The following KIF13A variants were observed in gnomAD, a reference collection of about 807,000 sequenced individuals.
The protein encoded by KIF13A is kinesin-like protein KIF13A.
In KIF13A, 79 loss-of-function variants were observed where a neutral mutation model predicts 212.2. The observed-to-expected ratio is 0.37, with a 90% CI of 0.31 to 0.45. The LOEUF (loss-of-function observed/expected upper bound fraction) is 0.45, where lower values mean the gene tolerates loss of function less well. KIF13A is among the 20% of genes least tolerant of loss of function. The probability of loss-of-function intolerance (pLI) is 1.00; values close to 1 mark genes in which losing one functional copy is unlikely to be tolerated. For missense variants in KIF13A, 1,901 were observed against 2,209.0 expected, an observed-to-expected ratio of 0.86 and a Z score of 2.79; for synonymous variants, 789 against 808.6, an observed-to-expected ratio of 0.98 and a Z score of 0.41.
chr6:17,976,957 C>G (rs1432900930), intron 2 of KIF13A, among the ~76,000 whole-genome samples: 1 of 151,734 alleles, frequency 6.6e-6, no homozygotes, highest in African/African-American at 2.4e-5. Context: ...AAAAAATTAG[C>G]TGGGTGTGGT....
chr6:17,893,043 C>T (rs1017827789), intron 3 of KIF13A, among the ~76,000 whole-genome samples: 4 of 152,142 alleles, frequency 2.6e-5, no homozygotes, highest in African/African-American at 9.7e-5. Flanking sequence ...GGGACTGAGC[C>T]CCTAACCTGT....
At chr6:17,800,572 G>T (rs532607542) in intron 20 of KIF13A, among the ~76,000 whole-genome samples, 22 of 150,288 alleles carry the variant, frequency 1.5e-4, no homozygotes, top group African/African-American at 5.4e-4. Context: ...GAGTAGTTGG[G>T]ATTACAGGTG....
rs530771277 is a variant in KIF13A, at chr6:17,915,620, A to T, written c.147-17440T>A. The stretch of plus-strand genomic sequence containing the variant: ...CTGATTCTGTAGGACATCACTGCAG[A>T]ACCATGTAGTTTCAATGTCACATCG... On this transcript the variant is annotated intron_variant, in intron 2 of 38. Coordinates refer to ENST00000259711, the MANE Select transcript of KIF13A (RefSeq NM_022113.6). The surrounding 1 kb of genome is among the most constrained non-coding windows in gnomAD (Gnocchi z 4.4). Among the ~76,000 whole-genome samples the T allele has an allele frequency of 1.2e-4, 18 of 152,262 alleles. No homozygotes were observed. The East Asian group carries it at 3.5e-3, about 29-fold the overall frequency.
chr6:17,834,255 C>T lies in KIF13A; in HGVS notation c.1156-184G>A, dbSNP rs1239309944. On this transcript the variant is annotated intron_variant, in intron 11 of 38. Coordinates refer to ENST00000259711, the MANE Select transcript of KIF13A (RefSeq NM_022113.6). This position sits in a 1 kb window ranked among gnomAD's most constrained non-coding sequence, Gnocchi z 4.0. ...GAATGTAAGAGAACATGGCTGTTCC[C>T]TGAAAAAGAAATACCAGTGTCCTGA... is the stretch of plus-strand genomic sequence containing the variant. Among the ~76,000 whole-genome samples, 2 of 152,124 alleles carry T rather than the reference C, an allele frequency of 1.3e-5. No individual in the cohort carries two copies. The highest frequency in any genetic ancestry group is 4.8e-5 in the African/African-American group (2 of 41,426).
In KIF13A at chr6:17,771,967, C is replaced by T. The variant is rs559728824; in HGVS notation, c.4417G>A (p.Val1473Ile). Residue 1473 changes from valine (V) to isoleucine (I), a missense_variant, in exon 37 of 39, where the codon GTA (valine) becomes ATA (isoleucine). Val to Ile is a conservative substitution (Grantham distance 29, BLOSUM62 3). Coordinates refer to ENST00000259711, the MANE Select transcript of KIF13A (RefSeq NM_022113.6). The surrounding 1 kb of genome is among the most constrained non-coding windows in gnomAD (Gnocchi z 5.4). Reference protein sequence around the residue: ...PPKFFKPLMPVKEEHKKRIAL... With the variant: ...PPKFFKPLMPIKEEHKKRIAL... ...ATCCTTTTCTTATGCTCCTCTTTTA[C>T]AGGCATTAGGGGCTTGAAAAACTTT... The T allele has an allele frequency of 9.3e-6, 15 of 1,613,984 alleles. No homozygotes were observed. Among genetic ancestry groups the T allele is most frequent in the East Asian group, 2.2e-5 (1 of 44,884 alleles).
intron 3 of KIF13A, 104 bp from the exon 4 acceptor site, chr6:17,873,541 T>C (rs1581598136): frequency 1.3e-6 from 1 of 756,678 alleles, no homozygotes; most frequent in Admixed American, 2.7e-5. Context: ...TGGCCACTAC[T>C]GTCTGACTGA....
At chr6:17,975,321 G>A (rs1316616180) in intron 2 of KIF13A, among the ~76,000 whole-genome samples, 1 of 150,424 alleles carries the variant, frequency 6.6e-6, no homozygotes, top group East Asian at 1.9e-4. Context: ...TTCCGAATTA[G>A]TAGGTTCTTG....
intron 2 of KIF13A, among the ~76,000 whole-genome samples, chr6:17,959,512 A>C (rs1336023341): frequency 6.6e-6 from 1 of 152,244 alleles, no homozygotes; most frequent in Non-Finnish European, 1.5e-5. Context: ...CAGAGGAAAG[A>C]ATGTATTCTT....
chr6:17,865,150 G>A (rs1769228710), intron 4 of KIF13A, among the ~76,000 whole-genome samples: 1 of 152,038 alleles, frequency 6.6e-6, no homozygotes, highest in Non-Finnish European at 1.5e-5. Context: ...TAAGCATGGT[G>A]ATGCACAGAT....
intron 3 of KIF13A, among the ~76,000 whole-genome samples, chr6:17,873,810 G>A (rs1423942674): frequency 1.3e-5 from 2 of 151,918 alleles, no homozygotes; most frequent in African/African-American, 2.4e-5. Context: ...GGCTGGTCTC[G>A]AACTCCTGGC....
intron 38 of KIF13A, among the ~76,000 whole-genome samples, chr6:17,766,391 C>G (rs969136554): frequency 5.9e-5 from 9 of 151,962 alleles, no homozygotes; most frequent in Middle Eastern, 3.4e-3. Context: ...AGGCATGCGC[C>G]AGCATGCCAG....
rs938855732 is a variant in KIF13A at position 17,892,545 on chromosome 6, G to A, written c.159+5623C>T. On this transcript the variant is annotated intron_variant, in intron 3 of 38. Transcript: ENST00000259711. The surrounding 1 kb of genome is among the most constrained non-coding windows in gnomAD (Gnocchi z 4.7). ...TGCTAATGAGATGACTGGTGGCTGG[G>A]GTCCCCAGGTGGCTTCAAGATAGGG... Among the ~76,000 whole-genome samples, 5 of 152,180 alleles carry A rather than the reference G, an allele frequency of 3.3e-5. No individual in the cohort carries two copies. Among genetic ancestry groups the A allele is most frequent in the African/African-American group, 9.7e-5 (4 of 41,438 alleles).
At chr6:17,924,345 T>C (rs920599521) in intron 2 of KIF13A, among the ~76,000 whole-genome samples, 3 of 152,206 alleles carry the variant, frequency 2.0e-5, no homozygotes, top group Non-Finnish European at 4.4e-5. Context: ...CAATCTCTAG[T>C]CGTGGACTTG....
At position 17,777,406 on chromosome 6, in the gene KIF13A, CAG is replaced by C; in HGVS notation, c.4093-54_4093-53del. ...CACTTTTTTTTTTTTTCCCCAGAGA[CAG>C]AGTCTCACTCTGTTGCCCAGGCTGG... On this transcript the variant is annotated intron_variant, in intron 33 of 38. Coordinates refer to ENST00000259711, the MANE Select transcript of KIF13A (RefSeq NM_022113.6). The surrounding 1 kb of genome is among the most constrained non-coding windows in gnomAD (Gnocchi z 4.4). 1 of 1,398,122 alleles carries C rather than the reference CAG, an allele frequency of 7.2e-7. No homozygotes were observed. Among genetic ancestry groups the C allele is most frequent in the Middle Eastern group, 1.8e-4 (1 of 5,672 alleles). 86.6% of individuals were successfully genotyped at this position (1,398,122 alleles called of 1,614,324 possible). A position where few individuals can be genotyped will look rare whatever the true frequency, so the allele number is the denominator to read the frequency against.
chr6:17,849,275 G>A lies in KIF13A; in HGVS notation c.830+102C>T. 1.3e-6 allele frequency: 1 copy of A among 758,046 alleles called. No individual in the cohort carries two copies. Among genetic ancestry groups the A allele is most frequent in the Non-Finnish European group, 2.2e-6 (1 of 459,620 alleles). 47.0% of individuals were successfully genotyped at this position (758,046 alleles called of 1,614,324 possible). Reference sequence around the variant, plus strand: ...CAGCCCAGTTTACTAAAGCTATACAGACTTTAAACAACCTGTACATCAGAA... The same window carrying A: ...CAGCCCAGTTTACTAAAGCTATACAAACTTTAAACAACCTGTACATCAGAA... On this transcript the variant is annotated intron_variant, in intron 9 of 38. Coordinates refer to ENST00000259711, the MANE Select transcript of KIF13A (RefSeq NM_022113.6). This position sits in a 1 kb window ranked among gnomAD's most constrained non-coding sequence, Gnocchi z 5.7.
Position 17,764,702 on chromosome 6 carries a change from A to G in KIF13A, c.4826T>C (p.Leu1609Pro). The G allele has an allele frequency of 6.2e-7, 1 of 1,613,666 alleles. No individual in the cohort carries two copies. Among genetic ancestry groups the G allele is most frequent in the Non-Finnish European group, 8.5e-7 (1 of 1,179,736 alleles). The stretch of plus-strand genomic sequence containing the variant: ...ACTAGAAGGGACCACCATGTCAGAC[A>G]GGGTGGCATTGGAGGCACTGTGGGA... ...YFSHSASNAT[L>P]SDMVVPSSDS... is the part of the protein sequence containing the mutation. The change falls in exon 39 of 39, where the codon CTG (leucine) becomes CCG (proline). Residue 1609 changes from leucine to proline, a missense_variant. Leu to Pro is a moderately conservative substitution (Grantham distance 98). Coordinates refer to ENST00000259711, the MANE Select transcript of KIF13A (RefSeq NM_022113.6). The surrounding 1 kb of genome is among the most constrained non-coding windows in gnomAD (Gnocchi z 5.1).
rs189834475 is a variant in KIF13A at position 17,915,217 on chromosome 6, C to T, written c.147-17037G>A. 5.3e-5 allele frequency among the ~76,000 whole-genome samples: 8 copies of T among 152,260 alleles called. No homozygotes were observed. The highest frequency in any genetic ancestry group is 1.2e-4 in the Non-Finnish European group (8 of 68,020). ...TTAGGTTACAGTTGAGACACACAAA[C>T]GGCCTTTTATGAGAGTCAGTCCAGG... On this transcript the variant is annotated intron_variant, in intron 2 of 38. Transcript: ENST00000259711. This position sits in a 1 kb window ranked among gnomAD's most constrained non-coding sequence, Gnocchi z 4.4.
chr6:17,845,587 T>A (rs1766946555), intron 9 of KIF13A, among the ~76,000 whole-genome samples: 2 of 152,236 alleles, frequency 1.3e-5, no homozygotes, highest in Non-Finnish European at 2.9e-5. Flanking sequence ...TGGAACCATT[T>A]TCAGTGTCTG....
At chr6:17,830,350 A>G (rs1405388413) in intron 13 of KIF13A, among the ~76,000 whole-genome samples, 2 of 152,222 alleles carry the variant, frequency 1.3e-5, no homozygotes, top group Non-Finnish European at 2.9e-5. Flanking sequence ...CCTGAGGGCT[A>G]AGGGTTGTAC....
Sources: gnomAD v4.1 joint callset for allele counts (sites outside exome capture counted in the v4.1 genomes callset) on GRCh38, gnomAD v4.1.1 for gene constraint, Gnocchi (gnomAD v3.1) non-coding constraint, MANE v1.5 for transcripts, NCBI Gene and HGNC (gene_info 2026-07-23, HGNC 2026-07-21) for gene names.